CTNNA2: variants seen among roughly 807,000 people sequenced by gnomAD.
CTNNA2 encodes catenin alpha-2.
A neutral mutation model predicts 101.0 loss-of-function variants in CTNNA2; 42 were observed. That is an observed-to-expected ratio of 0.42 (90% CI 0.32 to 0.54). The LOEUF is 0.54. Among genes scored for constraint, CTNNA2 ranks in the 20% least tolerant of loss-of-function variants. CTNNA2 has a pLI of 0.14. For synonymous variants in CTNNA2, 450 were observed against 456.4 expected (o/e 0.99, Z 0.18); for missense variants, 871 against 1,223.1 (o/e 0.71, Z 4.29).
intron 3 of CTNNA2, among the ~76,000 whole-genome samples, chr2:79,369,946 A>G (rs978809579): frequency 6.6e-6 from 1 of 152,200 alleles, no homozygotes; most frequent in African/African-American, 2.4e-5. Flanking sequence ...TATTATCTAC[A>G]AGGTTGTAAG....
chr2:79,827,153 C>G (rs946304560), intron 3 of CTNNA2, among the ~76,000 whole-genome samples: 1 of 152,000 alleles, frequency 6.6e-6, no homozygotes, highest in African/African-American at 2.4e-5. Flanking sequence ...ATTCTTATGC[C>G]GCAGCCTCCC....
intron 3 of CTNNA2, among the ~76,000 whole-genome samples, chr2:79,785,269 G>C (rs1674749363): frequency 6.6e-6 from 1 of 152,122 alleles, no homozygotes; most frequent in South Asian, 2.1e-4. Flanking sequence ...CTGTTGTACT[G>C]TGCTTAGTTC....
At chr2:79,365,977 T>C (rs932897243) in intron 3 of CTNNA2, among the ~76,000 whole-genome samples, 5 of 152,238 alleles carry the variant, frequency 3.3e-5, no homozygotes, top group Non-Finnish European at 7.3e-5. Flanking sequence ...AGGGTTAATG[T>C]TCAGTTCATC....
chr2:79,274,201 C>T (rs1461858795), intron 2 of CTNNA2, among the ~76,000 whole-genome samples: 1 of 151,974 alleles, frequency 6.6e-6, no homozygotes, highest in Non-Finnish European at 1.5e-5. Context: ...TCTCAATCAG[C>T]TCTCTTGAAA....
chr2:80,503,797 C>A (rs7570774), intron 9 of CTNNA2, among the ~76,000 whole-genome samples: 36,063 of 151,850 alleles, frequency 0.24, 4,542 homozygotes, highest in South Asian at 0.37. Context: ...GGAGAAAGAA[C>A]CAGATAGTGG....
chr2:80,014,058 C>T (rs1019874234), intron 7 of CTNNA2, among the ~76,000 whole-genome samples: 1 of 152,092 alleles, frequency 6.6e-6, no homozygotes, highest in Non-Finnish European at 1.5e-5. Flanking sequence ...AAATTTTCTA[C>T]CATAGAAGAC....
chr2:79,688,262 C>T (rs141231693), intron 2 of CTNNA2, among the ~76,000 whole-genome samples: 207 of 152,014 alleles, frequency 1.4e-3, no homozygotes, highest in African/African-American at 4.8e-3. Context: ...AGCTCATAAA[C>T]GAGTGCCAGT....
At chr2:79,294,647 A>G (rs1185009516) in intron 2 of CTNNA2, among the ~76,000 whole-genome samples, 2 of 152,312 alleles carry the variant, frequency 1.3e-5, no homozygotes, top group East Asian at 1.9e-4. Flanking sequence ...ATAGATTATC[A>G]GAAGGAATAA....
chr2:79,770,838 G>T (rs1212215997), intron 3 of CTNNA2, among the ~76,000 whole-genome samples: 1 of 152,110 alleles, frequency 6.6e-6, no homozygotes, highest in African/African-American at 2.4e-5. Flanking sequence ...GCAGCTTTTG[G>T]TTTCAAACTT....
At chr2:79,682,410 C>CAA (rs10674928) in intron 2 of CTNNA2, among the ~76,000 whole-genome samples, 24,147 of 72,838 alleles carry the variant, frequency 0.33, 3,558 homozygotes, top group Non-Finnish European at 0.36. Context: ...AACTCCATCT[C>CAA]AAAAAAAAAA....
intron 1 of CTNNA2, among the ~76,000 whole-genome samples, chr2:79,619,741 C>T (rs1678872066): frequency 6.6e-6 from 1 of 152,200 alleles, no homozygotes; most frequent in Admixed American, 6.5e-5. Flanking sequence ...TTTTGCATCT[C>T]ATAATCTCAC....
At chr2:80,139,851 G>A (rs1383845255) in intron 7 of CTNNA2, among the ~76,000 whole-genome samples, 1 of 152,126 alleles carries the variant, frequency 6.6e-6, no homozygotes, top group African/African-American at 2.4e-5. Flanking sequence ...AAGCATGTTT[G>A]CTTGCTCTTG....
chr2:79,350,124 A>AT (rs1441652101), intron 3 of CTNNA2, among the ~76,000 whole-genome samples: 1 of 150,712 alleles, frequency 6.6e-6, no homozygotes, highest in Admixed American at 6.6e-5. Flanking sequence ...TATACCAGAA[A>AT]TTTTTTCTTT....
In CTNNA2 at chr2:79,217,659, G is replaced by T. The variant is rs182842296; in HGVS notation, c.-406+19583G>T. Among the ~76,000 whole-genome samples, 296 of 152,314 alleles carry T rather than the reference G, an allele frequency of 1.9e-3. 1 individual carries two copies. The highest frequency in any genetic ancestry group is 6.7e-3 in the African/African-American group (280 of 41,560). On this transcript the variant is annotated intron_variant, in intron 2 of 21. Transcript: ENST00000466387. ...GAACCAGTCATCTGGATGTGTACGT[G>T]CAGGTCACAGGGAATATGATGGCTT...
intron 3 of CTNNA2, among the ~76,000 whole-genome samples, chr2:79,361,482 T>A (rs1052716399): frequency 1.3e-5 from 2 of 152,218 alleles, no homozygotes; most frequent in African/African-American, 4.8e-5. Context: ...AGAGGGTAAC[T>A]ACTTCTTGTT....
intron 4 of CTNNA2, among the ~76,000 whole-genome samples, chr2:79,439,988 A>T (rs1398421369): frequency 6.6e-6 from 1 of 151,544 alleles, no homozygotes; most frequent in Non-Finnish European, 1.5e-5. Flanking sequence ...TAATATTGTT[A>T]AAAAATCATT....
intron 2 of CTNNA2, among the ~76,000 whole-genome samples, chr2:79,679,730 T>C (rs1683429810): frequency 6.6e-6 from 1 of 152,122 alleles, no homozygotes; most frequent in African/African-American, 2.4e-5. Flanking sequence ...CCTACGTCAC[T>C]GTAGGCTTGC....
chr2:79,242,137 ACCT>A (rs1274705977), intron 2 of CTNNA2, among the ~76,000 whole-genome samples: 8 of 151,724 alleles, frequency 5.3e-5, no homozygotes, highest in African/African-American at 1.9e-4. Flanking sequence ...CGATCTCCTG[ACCT>A]CATGATCCAC....
At chr2:79,818,848 T>TATATATATA (rs70940046) in intron 3 of CTNNA2, among the ~76,000 whole-genome samples, 1 of 135,402 alleles carries the variant, frequency 7.4e-6, no homozygotes, top group African/African-American at 2.8e-5. Flanking sequence ...TATATATATA[T>TATATATATA]GGATGTATGT....
Sources: allele counts gnomAD v4.1 joint callset (sites outside exome capture counted in the v4.1 genomes callset), GRCh38; gene constraint gnomAD v4.1.1; transcripts MANE v1.5; gene names NCBI Gene and HGNC (gene_info 2026-07-23, HGNC 2026-07-21).